Variants in KIAA1217 observed in about 807,000 individuals in gnomAD.
KIAA1217 encodes the protein KIAA1217, also known as sickle tail protein homolog.
KIAA1217 carries 88 observed loss-of-function variants against 163.9 expected under a neutral mutation model. The observed-to-expected ratio is 0.54, with a 90% CI of 0.45 to 0.64. The LOEUF (loss-of-function observed/expected upper bound fraction) is 0.64, where lower values mean the gene tolerates loss of function less well. Ranked by LOEUF, KIAA1217 falls within the 30% of genes least tolerant of loss-of-function variation. The pLI is 0.00. For missense variants in KIAA1217, 2,372 were observed against 2,475.0 expected (o/e 0.96, Z 0.88); for synonymous variants, 903 against 923.1 (o/e 0.98, Z 0.39).
chr10:23,794,455 G>A (rs12412791), intron 1 of KIAA1217, among the ~76,000 whole-genome samples: 9,272 of 152,220 alleles, frequency 0.061, 499 homozygotes, highest in African/African-American at 0.13. Flanking sequence ...AGAATGACAC[G>A]TTTTTCCCTC....
At chr10:24,180,503 G>A (rs1012846299) in intron 2 of KIAA1217, among the ~76,000 whole-genome samples, 2 of 151,796 alleles carry the variant, frequency 1.3e-5, no homozygotes, top group Admixed American at 1.3e-4. Context: ...GCAAAATTCT[G>A]CCTGTCTTGC....
intron 5 of KIAA1217, among the ~76,000 whole-genome samples, chr10:24,453,962 T>G (rs548230019): frequency 2.6e-4 from 40 of 152,238 alleles, no homozygotes; most frequent in South Asian, 1.0e-3. Context: ...AAAGTGGTGA[T>G]AGTATCTTGT....
intron 1 of KIAA1217, among the ~76,000 whole-genome samples, chr10:23,997,984 T>A (rs1160820567): frequency 7.3e-5 from 5 of 68,286 alleles, no homozygotes; most frequent in Admixed American, 5.5e-4. Context: ...GGGGGCTTTC[T>A]TTTTTTTTTT....
intron 1 of KIAA1217, among the ~76,000 whole-genome samples, chr10:23,778,267 A>G (rs1198042279): frequency 2.0e-5 from 3 of 152,136 alleles, no homozygotes; most frequent in African/African-American, 7.2e-5. Flanking sequence ...TGGCAGGTAG[A>G]CGCACCAGTT....
chr10:24,085,105 G>A (rs1589435854), intron 2 of KIAA1217, among the ~76,000 whole-genome samples: 1 of 151,924 alleles, frequency 6.6e-6, no homozygotes, highest in South Asian at 2.1e-4. Flanking sequence ...TAGTAGAGAC[G>A]GCGTTTCACC....
intron 2 of KIAA1217, among the ~76,000 whole-genome samples, chr10:24,037,188 C>T (rs1848429638): frequency 6.6e-6 from 1 of 152,094 alleles, no homozygotes; most frequent in Non-Finnish European, 1.5e-5. Flanking sequence ...AACCCAGTCC[C>T]AGCCCAGTGG....
At chr10:24,368,059 G>A (rs2051033865) in intron 2 of KIAA1217, among the ~76,000 whole-genome samples, 1 of 152,114 alleles carries the variant, frequency 6.6e-6, no homozygotes, top group Non-Finnish European at 1.5e-5. Flanking sequence ...GAAAGTTCCT[G>A]CCCAGACAAA....
At chr10:24,495,234 G>T in intron 8 of KIAA1217, 38 bp downstream of exon 8, 1 of 1,570,136 alleles carries the variant, frequency 6.4e-7, no homozygotes, top group Non-Finnish European at 8.7e-7. Context: ...AGGCCTGTGG[G>T]CTGCCTGGGA....
chr10:24,175,443 ATGTG>A lies in KIAA1217; in HGVS notation c.-170-44163_-170-44160del, dbSNP rs137918207. ...GAATGTTATTCCATGGTGTATATATATGTGTGTGTGTGTGTGTGTGTGTTTATTG... is the reference window on the plus strand; with the variant it reads ...GAATGTTATTCCATGGTGTATATATATGTGTGTGTGTGTGTGTGTTTATTG... On this transcript the variant is annotated intron_variant, in intron 2 of 18. Transcript: ENST00000376462. 5.3e-3 allele frequency among the ~76,000 whole-genome samples: 789 copies of A among 149,994 alleles called. 7 individuals carry two copies. Among genetic ancestry groups the A allele is most frequent in the African/African-American group, 0.016 (667 of 40,852 alleles).
chr10:24,249,061 G>A (rs1264163967), intron 2 of KIAA1217, among the ~76,000 whole-genome samples: 3 of 152,256 alleles, frequency 2.0e-5, no homozygotes, highest in Admixed American at 6.5e-5. Context: ...TGTAGTGGAC[G>A]TGATTTATAC....
intron 1 of KIAA1217, among the ~76,000 whole-genome samples, chr10:24,217,791 C>G (rs539259039): frequency 6.6e-6 from 1 of 152,172 alleles, no homozygotes; most frequent in Admixed American, 6.5e-5. Flanking sequence ...CTGCACTTAA[C>G]TTGTAAAGAT....
chr10:24,151,473 G>C (rs2064609798), intron 2 of KIAA1217, among the ~76,000 whole-genome samples: 1 of 145,064 alleles, frequency 6.9e-6, no homozygotes, highest in Non-Finnish European at 1.5e-5. Flanking sequence ...ATCGGGCATG[G>C]TTCAAGGTTC....
At chr10:23,712,401 T>A (rs7093449) in intron 1 of KIAA1217, among the ~76,000 whole-genome samples, 1 of 151,430 alleles carries the variant, frequency 6.6e-6, no homozygotes, top group Non-Finnish European at 1.5e-5. Context: ...TTGACTTGGC[T>A]ACCATTATAA....
chr10:23,988,039 T>C (rs906402666), intron 1 of KIAA1217, among the ~76,000 whole-genome samples: 1 of 144,240 alleles, frequency 6.9e-6, no homozygotes, highest in Admixed American at 7.0e-5. Context: ...TGTTTTTTTA[T>C]TTTTATTTTT....
At chr10:24,009,843 G>C (rs909747189) in intron 2 of KIAA1217, among the ~76,000 whole-genome samples, 24 of 152,228 alleles carry the variant, frequency 1.6e-4, no homozygotes, top group African/African-American at 5.8e-4. Flanking sequence ...TGCTTTCTGA[G>C]CTTGGGAGAT....
At chr10:24,038,509 T>C (rs1028195713) in intron 2 of KIAA1217, among the ~76,000 whole-genome samples, 5 of 152,132 alleles carry the variant, frequency 3.3e-5, no homozygotes, top group African/African-American at 1.2e-4. Flanking sequence ...AGTGTCTCCA[T>C]AAAGGGACAT....
intron 13 of KIAA1217, among the ~76,000 whole-genome samples, chr10:24,527,637 T>C (rs890326470): frequency 3.3e-5 from 5 of 152,170 alleles, no homozygotes; most frequent in Admixed American, 3.3e-4. Context: ...GCACTGCAGC[T>C]TGGATGACAG....
intron 3 of KIAA1217, among the ~76,000 whole-genome samples, chr10:24,431,591 T>G (rs565655083): frequency 1.1e-4 from 16 of 152,228 alleles, no homozygotes; most frequent in Middle Eastern, 3.4e-3. Context: ...GCATGTGACC[T>G]CCCGTGTGGC....
rs113401221 is a variant in KIAA1217, at chr10:23,929,895, C to T, written c.-320-77330C>T. On this transcript the variant is annotated intron_variant, in intron 1 of 18. Coordinates refer to the KIAA1217 transcript ENST00000376462. ...GAAATCTCGGAGCTGATTTCCACAA[C>T]GGCTGAACTAATTTATATTCCCACT... Among the ~76,000 whole-genome samples the T allele has an allele frequency of 9.8e-3, 1,496 of 152,182 alleles. 27 individuals carry two copies. Among genetic ancestry groups the T allele is most frequent in the African/African-American group, 0.034 (1,405 of 41,534 alleles).
Sources: allele counts gnomAD v4.1 joint callset (sites outside exome capture counted in the v4.1 genomes callset), GRCh38; gene constraint gnomAD v4.1.1; transcripts MANE v1.5; gene names NCBI Gene and HGNC (gene_info 2026-07-23, HGNC 2026-07-21).